The following SLC35D1 variants were observed in gnomAD, a reference collection of about 807,000 sequenced individuals.
The protein encoded by SLC35D1 is solute carrier family 35 member D1, also known as nucleotide sugar transporter SLC35D1.
A neutral mutation model predicts 46.7 loss-of-function variants in SLC35D1; 31 were observed. The observed-to-expected ratio is 0.66, with a 90% confidence interval of 0.50 to 0.90. The LOEUF (loss-of-function observed/expected upper bound fraction) is 0.90. Among genes scored for constraint, SLC35D1 ranks in the 40% least tolerant of loss-of-function variants. The pLI, the probability that SLC35D1 is intolerant of heterozygous loss-of-function variation, is 0.00. For synonymous variants in SLC35D1, 195 were observed against 164.6 expected (o/e 1.18, Z -1.41); for missense variants, 397 against 426.2 (o/e 0.93, Z 0.60).
the SLC35D1 span, among the ~76,000 whole-genome samples, chr1:66,982,088 A>C: frequency 6.6e-6 from 1 of 152,244 alleles, no homozygotes; most frequent in Non-Finnish European, 1.5e-5. Context: ...CAGAATACAA[A>C]GTGATTGGAC....
intron 10 of SLC35D1, among the ~76,000 whole-genome samples, chr1:67,013,170 CCT>C (rs1667611013): frequency 5.1e-4 from 3 of 5,872 alleles, no homozygotes; most frequent in African/African-American, 4.0e-3. Flanking sequence ...ATATATATAT[CCT>C]GTTCTTAAAT....
chr1:67,008,579 G>T, intron 11 of SLC35D1: 2 of 644,364 alleles, frequency 3.1e-6, no homozygotes, highest in Non-Finnish European at 4.5e-6. Context: ...TACTTTATCT[G>T]CTCTGATCCA....
chr1:67,036,861 T>G (rs1326070623), intron 8 of SLC35D1, among the ~76,000 whole-genome samples: 1 of 152,082 alleles, frequency 6.6e-6, no homozygotes, highest in Non-Finnish European at 1.5e-5. Context: ...TCTTCCTTCT[T>G]TCCTTCCTTC....
intron 10 of SLC35D1, among the ~76,000 whole-genome samples, chr1:67,015,106 G>A (rs1667654754): frequency 7.8e-6 from 1 of 128,052 alleles, no homozygotes; most frequent in African/African-American, 3.0e-5. Flanking sequence ...TATTCCAAAA[G>A]GAAAATGTGT....
the SLC35D1 span, chr1:66,985,035 G>A: frequency 2.9e-6 from 4 of 1,384,666 alleles, no homozygotes; most frequent in South Asian, 1.9e-5. Context: ...TTTAGGAAAT[G>A]AGGTTTCATA....
the SLC35D1 span, among the ~76,000 whole-genome samples, chr1:66,975,532 A>G: frequency 7.0e-6 from 1 of 142,228 alleles, no homozygotes; most frequent in African/African-American, 2.5e-5. Flanking sequence ...TCTCAAAAAA[A>G]AAAGAAAAAG....
At chr1:66,979,853 C>G in the SLC35D1 span, among the ~76,000 whole-genome samples, 10 of 151,990 alleles carry the variant, frequency 6.6e-5, no homozygotes, top group African/African-American at 2.4e-4. Context: ...CAACCTCCAC[C>G]GCCCGGGTTG....
chr1:67,042,673 T>C (rs1223823894), intron 7 of SLC35D1, among the ~76,000 whole-genome samples: 2 of 152,148 alleles, frequency 1.3e-5, no homozygotes, highest in East Asian at 1.9e-4. Flanking sequence ...CACACAGCAA[T>C]ATCAAAACAT....
Position 67,018,325 on chromosome 1 carries a change from T to C in SLC35D1, c.876+2044A>G, listed in dbSNP as rs527862259. 9.9e-5 allele frequency among the ~76,000 whole-genome samples: 15 copies of C among 152,282 alleles called. 1 individual carries two copies. In the South Asian group the frequency reaches 2.9e-3, roughly 29 times the overall value. On this transcript the variant is annotated intron_variant, in intron 10 of 11. Transcript: ENST00000235345. ...GAATACAGGGATCCAGGGAGGTGGATTAATTTATGTAAGTTGCCCAAGGAA... is the reference window on the plus strand; with the variant it reads ...GAATACAGGGATCCAGGGAGGTGGACTAATTTATGTAAGTTGCCCAAGGAA...
chr1:67,052,906 A>G, intron 2 of SLC35D1, 49 bp from the exon 3 acceptor site: 1 of 1,614,112 alleles, frequency 6.2e-7, no homozygotes, highest in Non-Finnish European at 8.5e-7. Flanking sequence ...AAAGACACAC[A>G]CAGAAGTTCT....
chr1:67,009,589 A>T (rs934644061), intron 10 of SLC35D1, among the ~76,000 whole-genome samples: 2 of 152,366 alleles, frequency 1.3e-5, no homozygotes, highest in East Asian at 3.9e-4. Flanking sequence ...AAAAAGGCTC[A>T]TCACCAATCA....
At chr1:67,028,358 T>C (rs1034029446) in intron 8 of SLC35D1, among the ~76,000 whole-genome samples, 1 of 152,226 alleles carries the variant, frequency 6.6e-6, no homozygotes, top group African/African-American at 2.4e-5. Context: ...TCAAGCTTGT[T>C]GACAGTATTA....
intron 8 of SLC35D1, among the ~76,000 whole-genome samples, chr1:67,038,272 T>C (rs919552315): frequency 2.0e-5 from 3 of 152,154 alleles, no homozygotes; most frequent in Non-Finnish European, 4.4e-5. Flanking sequence ...ACAGGCTAAC[T>C]TAACAGCCTA....
chr1:66,975,768 G>A, the SLC35D1 span, among the ~76,000 whole-genome samples: 3 of 152,076 alleles, frequency 2.0e-5, no homozygotes, highest in African/African-American at 4.8e-5. Context: ...AGTAAACAAA[G>A]CATTAGCATT....
At position 67,024,316 on chromosome 1, in the gene SLC35D1, A is replaced by G. The variant is rs545583641; in HGVS notation, c.730-2714T>C. ...TTAATGTTGATGTAGTCTAACATCA[A>G]TATTGTCTTTTATAATTCTTGCTTA... On this transcript the variant is annotated intron_variant, in intron 8 of 11. Transcript: ENST00000235345. Among the ~76,000 whole-genome samples the G allele has an allele frequency of 1.4e-4, 22 of 152,316 alleles. 1 individual carries two copies. In the East Asian group the frequency reaches 2.7e-3, roughly 19 times the overall value.
At chr1:67,042,643 TACACACACACACAAACAC>T (rs1212883218) in intron 7 of SLC35D1, among the ~76,000 whole-genome samples, 2 of 151,700 alleles carry the variant, frequency 1.3e-5, no homozygotes, top group African/African-American at 4.8e-5. Context: ...TTTGAACACA[TACACACACACACAAACAC>T]ACACACAGCA....
intron 8 of SLC35D1, among the ~76,000 whole-genome samples, chr1:67,031,519 T>C (rs533974003): frequency 6.6e-6 from 1 of 152,292 alleles, no homozygotes; most frequent in South Asian, 2.1e-4. Context: ...TTCAGCTCCA[T>C]AACCTATAGT....
intron 7 of SLC35D1, 74 bp from the exon 8 acceptor site, chr1:67,042,402 C>G: frequency 1.9e-6 from 2 of 1,080,214 alleles, no homozygotes; most frequent in South Asian, 2.6e-5. Context: ...AAATACCACT[C>G]AAACTACACA....
At chr1:66,991,889 T>C in the SLC35D1 span, among the ~76,000 whole-genome samples, 36 of 130,532 alleles carry the variant, frequency 2.8e-4, no homozygotes, top group Non-Finnish European at 6.6e-5. Context: ...CGTTACTGTA[T>C]AATCTGTGGT....
Sources: gnomAD v4.1 joint callset for allele counts (sites outside exome capture counted in the v4.1 genomes callset) on GRCh38, gnomAD v4.1.1 for gene constraint, MANE v1.5 for transcripts, NCBI Gene and HGNC (gene_info 2026-07-23, HGNC 2026-07-21) for gene names.